Variants in ADGRL4 observed in about 807,000 individuals in gnomAD.
ADGRL4 encodes adhesion G protein-coupled receptor L4.
Under a neutral mutation model 74.8 loss-of-function variants are expected in ADGRL4, and 90 were observed. The observed-to-expected ratio is 1.20, with a 90% CI of 1.02 to 1.43. ADGRL4 has a LOEUF of 1.43. Ranked by LOEUF, ADGRL4 falls within the 40% of genes most tolerant of loss-of-function variation. The probability of loss-of-function intolerance (pLI) is 0.00; values close to 1 mark genes in which losing one functional copy is unlikely to be tolerated. For missense variants in ADGRL4, 881 were observed against 814.3 expected (o/e 1.08, Z -1.00); for synonymous variants, 311 against 279.2 (o/e 1.11, Z -1.14).
intron 2 of ADGRL4, among the ~76,000 whole-genome samples, chr1:78,968,667 A>G (rs770984368): frequency 6.6e-6 from 1 of 152,134 alleles, no homozygotes; most frequent in Non-Finnish European, 1.5e-5. Context: ...GGTGTCTGTG[A>G]GGAGCCCGGG....
intron 13 of ADGRL4, among the ~76,000 whole-genome samples, chr1:78,892,522 TG>T (rs1648302714): frequency 6.6e-6 from 1 of 152,106 alleles, no homozygotes; most frequent in Non-Finnish European, 1.5e-5. Flanking sequence ...GTACACTACA[TG>T]AAACCATAAC....
chr1:78,972,213 T>C (rs1557517051), intron 2 of ADGRL4, among the ~76,000 whole-genome samples: 1 of 152,226 alleles, frequency 6.6e-6, no homozygotes, highest in Non-Finnish European at 1.5e-5. Context: ...CCTATCTCTA[T>C]TCATGTAAAA....
chr1:78,936,460 A>G, intron 6 of ADGRL4, 49 bp from the exon 7 acceptor site: 1 of 1,428,560 alleles, frequency 7.0e-7, no homozygotes, highest in Non-Finnish European at 9.5e-7. Flanking sequence ...TTTAATCAAT[A>G]TACATCATAA....
chr1:78,925,850 G>GA (rs1320238044), intron 8 of ADGRL4, among the ~76,000 whole-genome samples: 1 of 151,968 alleles, frequency 6.6e-6, no homozygotes, highest in Non-Finnish European at 1.5e-5. Context: ...ATGAAAAACG[G>GA]AAAAAACATC....
chr1:78,891,359 C>A, intron 14 of ADGRL4, 143 bp from the exon 15 acceptor site: 1 of 1,216,090 alleles, frequency 8.2e-7, no homozygotes. Context: ...TATTTATATC[C>A]CTAATACCAA....
rs775667826 is a variant in ADGRL4, at chr1:78,918,036, G to T, written c.1476C>A (p.Ile492=). ...AGAAGTAGTGTAGCAGTCCGGCAAT[G>T]ATTGAACAGAAGAGCTAGAAATCAA... ...NTNTNKLFCS[I]IAGLLHYFFL... The change falls in exon 11 of 15, where the codon ATC becomes ATA. Residue 492 remains isoleucine, a synonymous_variant. Transcript: ENST00000370742. The T allele has an allele frequency of 1.2e-6, 2 of 1,600,756 alleles. No homozygotes were observed. The highest frequency in any genetic ancestry group is 1.7e-6 in the Non-Finnish European group (2 of 1,172,008).
rs538004731 is a variant in ADGRL4, at chr1:79,001,009, G to A, written c.172+4061C>T. Among the ~76,000 whole-genome samples, 9 of 151,950 alleles carry A rather than the reference G, an allele frequency of 5.9e-5. No homozygotes were observed. In the East Asian group the frequency reaches 1.5e-3, roughly 26 times the overall value. On this transcript the variant is annotated intron_variant, in intron 2 of 14. Coordinates refer to ENST00000370742, the MANE Select transcript of ADGRL4 (RefSeq NM_022159.4). Reference sequence around the variant, plus strand: ...GAAGCAAAACATACATATAATATTCGTGAGATATATACTTGTAATTTTTGA... The same window carrying A: ...GAAGCAAAACATACATATAATATTCATGAGATATATACTTGTAATTTTTGA...
chr1:78,949,680 T>C (rs766868418), intron 2 of ADGRL4, among the ~76,000 whole-genome samples: 2 of 152,126 alleles, frequency 1.3e-5, no homozygotes, highest in Admixed American at 6.6e-5. Context: ...GAGTATAGTA[T>C]AGAAAAATAA....
intron 2 of ADGRL4, among the ~76,000 whole-genome samples, chr1:78,946,759 T>A (rs1557508335): frequency 6.6e-6 from 1 of 152,188 alleles, no homozygotes; most frequent in Non-Finnish European, 1.5e-5. Flanking sequence ...GAATTTATGG[T>A]ACTCTTCATA....
chr1:78,902,779 C>G (rs1456375081), intron 12 of ADGRL4, among the ~76,000 whole-genome samples: 2 of 151,894 alleles, frequency 1.3e-5, no homozygotes, highest in Non-Finnish European at 2.9e-5. Flanking sequence ...AGTCATGATA[C>G]CAGTGATGAA....
intron 2 of ADGRL4, among the ~76,000 whole-genome samples, chr1:78,955,734 T>C (rs1288738898): frequency 1.3e-5 from 2 of 152,108 alleles, no homozygotes; most frequent in Non-Finnish European, 2.9e-5. Context: ...TACACTAATT[T>C]ACTTAGAACA....
At chr1:78,986,515 A>T (rs1570272851) in intron 2 of ADGRL4, among the ~76,000 whole-genome samples, 1 of 151,768 alleles carries the variant, frequency 6.6e-6, no homozygotes, top group East Asian at 1.9e-4. Context: ...GGAGGCTGAG[A>T]AGAAAGAATC....
In ADGRL4 at chr1:78,941,662, C is replaced by G. The variant is rs560946051; in HGVS notation, c.326-2404G>C. Reference sequence around the variant, plus strand: ...CTCCATGGACTCAATTTCCATCCTCCTTCTTGCACTTTGAACTTAAATGTC... The same window carrying G: ...CTCCATGGACTCAATTTCCATCCTCGTTCTTGCACTTTGAACTTAAATGTC... On this transcript the variant is annotated intron_variant, in intron 3 of 14. Transcript: ENST00000370742. Among the ~76,000 whole-genome samples the G allele has an allele frequency of 4.6e-5, 7 of 152,158 alleles. No individual in the cohort carries two copies. In the South Asian group the frequency reaches 1.5e-3, roughly 32 times the overall value.
rs1019430299 is a variant in ADGRL4, at chr1:78,900,223, T to C, written c.1750-7034A>G. Among the ~76,000 whole-genome samples, 8 of 152,060 alleles carry C rather than the reference T, an allele frequency of 5.3e-5. 1 individual carries two copies. The highest frequency in any genetic ancestry group is 1.9e-4 in the African/African-American group (8 of 41,414). On this transcript the variant is annotated intron_variant, in intron 12 of 14. Transcript: ENST00000370742. ...GGAAATGGGGTCTTAGTCCCACAAC[T>C]GCATGGAGCTCAATTTGGCCAACAA...
At chr1:78,957,461 G>A (rs1211993925) in intron 2 of ADGRL4, among the ~76,000 whole-genome samples, 1 of 152,162 alleles carries the variant, frequency 6.6e-6, no homozygotes, top group African/African-American at 2.4e-5. Flanking sequence ...TGCTAAGAAA[G>A]TGAAAAAGCC....
At chr1:78,955,454 C>A (rs1649809273) in intron 2 of ADGRL4, among the ~76,000 whole-genome samples, 1 of 152,000 alleles carries the variant, frequency 6.6e-6, no homozygotes, top group African/African-American at 2.4e-5. Context: ...TCATGTCTTG[C>A]ATTCTTTTCC....
At chr1:78,963,440 C>G (rs913798679) in intron 2 of ADGRL4, among the ~76,000 whole-genome samples, 7 of 152,132 alleles carry the variant, frequency 4.6e-5, no homozygotes, top group Admixed American at 2.6e-4. Flanking sequence ...TATTCTCACG[C>G]CCAGTATGCT....
At position 79,005,091 on chromosome 1, in the gene ADGRL4, T is replaced by C; in HGVS notation, c.151A>G (p.Asn51Asp). The change falls in exon 2 of 15, where the codon AAT becomes GAT. Residue 51 changes from asparagine to aspartate, a missense_variant. Transcript: ENST00000370742. ...ACYCNMGFSGNGVTICEDDNE... is the reference protein window; with the variant it reads ...ACYCNMGFSGDGVTICEDDNE... ...TTACCTTCACAAATTGTGACACCAT[T>C]TCCTGAAAATCCCATGTTGCAATAG... The C allele has an allele frequency of 6.2e-7, 1 of 1,612,466 alleles. No homozygotes were observed. Among genetic ancestry groups the C allele is most frequent in the Non-Finnish European group, 8.5e-7 (1 of 1,179,424 alleles).
chr1:78,931,639 T>C (rs1649244627), intron 7 of ADGRL4, among the ~76,000 whole-genome samples: 1 of 151,060 alleles, frequency 6.6e-6, no homozygotes. Flanking sequence ...GACTGGCAAA[T>C]TGGATAAAGA....
Sources: allele counts gnomAD v4.1 joint callset (sites outside exome capture counted in the v4.1 genomes callset), GRCh38; gene constraint gnomAD v4.1.1; transcripts MANE v1.5; gene names NCBI Gene and HGNC (gene_info 2026-07-23, HGNC 2026-07-21).